The following NECAB2 variants were observed in gnomAD, a reference collection of about 807,000 sequenced individuals.
NECAB2 encodes the protein N-terminal EF-hand calcium-binding protein 2.
In NECAB2, 68 loss-of-function variants were observed where a neutral mutation model predicts 51.9. The observed-to-expected ratio is 1.31, with a 90% confidence interval of 1.08 to 1.60. The LOEUF is 1.60. Ranked by LOEUF, NECAB2 falls within the 40% of genes most tolerant of loss-of-function variation. NECAB2 has a pLI of 0.00. For missense variants in NECAB2, 854 were observed against 490.3 expected (o/e 1.74, Z -7.00); for synonymous variants, 329 against 203.5 (o/e 1.62, Z -5.25).
Position 84,002,363 on chromosome 16 carries a change from C to T in NECAB2, c.*17C>T, listed in dbSNP as rs376692532. On this transcript the variant is annotated 3_prime_UTR_variant, in exon 13 of 13. Transcript: ENST00000305202. Reference sequence around the variant, plus strand: ...CGGGACTGACAGCCTCCCAGAGGCCCGTGGAGGAGCCCACCAGCCCCTTCT... The same window carrying T: ...CGGGACTGACAGCCTCCCAGAGGCCTGTGGAGGAGCCCACCAGCCCCTTCT... 14 of 1,613,368 alleles carry T rather than the reference C, an allele frequency of 8.7e-6. No individual in the cohort carries two copies. Among genetic ancestry groups the T allele is most frequent in the South Asian group, 6.6e-5 (6 of 91,062 alleles).
At chr16:83,978,754 A>C (rs2084448787) in intron 3 of NECAB2, among the ~76,000 whole-genome samples, 1 of 152,076 alleles carries the variant, frequency 6.6e-6, no homozygotes, top group African/African-American at 2.4e-5. Flanking sequence ...TACTATCGCA[A>C]GTGTGTCTTC....
intron 11 of NECAB2, among the ~76,000 whole-genome samples, chr16:84,001,040 T>G (rs1025862277): frequency 1.3e-5 from 2 of 152,054 alleles, no homozygotes; most frequent in African/African-American, 4.8e-5. Flanking sequence ...CAGGGTTGCT[T>G]CTGTGCCCCT....
At chr16:83,985,188 C>G (rs555812040) in intron 5 of NECAB2, among the ~76,000 whole-genome samples, 1 of 150,566 alleles carries the variant, frequency 6.6e-6, no homozygotes, top group Non-Finnish European at 1.5e-5. Flanking sequence ...TGGCAGGCGC[C>G]TGTAATCCCA....
intron 6 of NECAB2, among the ~76,000 whole-genome samples, chr16:83,992,377 T>TCCCCCCCC (rs60014664): frequency 8.5e-4 from 113 of 133,074 alleles, no homozygotes; most frequent in African/African-American, 2.3e-3. Flanking sequence ...CGAGCACCCG[T>TCCCCCCCC]CCCCCCGCCC....
intron 10 of NECAB2, among the ~76,000 whole-genome samples, chr16:83,998,790 G>A (rs528740418): frequency 1.8e-4 from 24 of 133,094 alleles, no homozygotes; most frequent in African/African-American, 9.5e-4. Context: ...CCCAAGTCAT[G>A]TAGTTGCCCT....
chr16:83,965,825 C>T (rs2084273939), upstream of NECAB2: 6 of 1,613,064 alleles, frequency 3.7e-6, no homozygotes, highest in South Asian at 1.1e-5. Flanking sequence ...GGATCCTGAC[C>T]AGCCGCTGAG....
chr16:83,975,499 G>A (rs2084398886), intron 2 of NECAB2, among the ~76,000 whole-genome samples: 1 of 152,142 alleles, frequency 6.6e-6, no homozygotes, highest in African/African-American at 2.4e-5. Context: ...GGGAGATGGG[G>A]TGCAAACTCA....
chr16:84,002,488 T>A lies in NECAB2; in HGVS notation c.*142T>A. On this transcript the variant is annotated 3_prime_UTR_variant, in exon 13 of 13. Transcript: ENST00000305202. Reference sequence around the variant, plus strand: ...AAGAAGGTGTTTCCCTGTTGTTAAGTGAAGGAGGCCGCCCCTGCCCCCACC... The same window carrying A: ...AAGAAGGTGTTTCCCTGTTGTTAAGAGAAGGAGGCCGCCCCTGCCCCCACC... 1 of 1,139,468 alleles carries A rather than the reference T, an allele frequency of 8.8e-7. No homozygotes were observed. 70.6% of individuals were successfully genotyped at this position (1,139,468 alleles called of 1,614,324 possible).
intron 12 of NECAB2, 111 bp from the exon 13 acceptor site, chr16:84,002,207 C>T (rs1274397857): frequency 5.9e-6 from 8 of 1,359,674 alleles, no homozygotes; most frequent in African/African-American, 4.4e-5. Context: ...ACCTGTGTGT[C>T]ACACAAGGAC....
intron 9 of NECAB2, among the ~76,000 whole-genome samples, chr16:83,997,643 A>G (rs979395033): frequency 6.6e-6 from 1 of 151,684 alleles, no homozygotes; most frequent in Non-Finnish European, 1.5e-5. Flanking sequence ...GTGTGCCACC[A>G]CGCCTGGCTA....
intron 3 of NECAB2, among the ~76,000 whole-genome samples, chr16:83,980,551 C>T (rs2151089002): frequency 6.6e-6 from 1 of 152,258 alleles, no homozygotes; most frequent in East Asian, 1.9e-4. Context: ...TACCCCTTTC[C>T]TGGCCCCCAG....
intron 10 of NECAB2, among the ~76,000 whole-genome samples, chr16:83,998,761 C>G (rs540640022): frequency 6.6e-6 from 1 of 152,028 alleles, no homozygotes; most frequent in African/African-American, 2.4e-5. Flanking sequence ...AGAGGAGAGT[C>G]GGTAGCTGAA....
chr16:83,973,085 A>G (rs1204879304), intron 2 of NECAB2, among the ~76,000 whole-genome samples: 1 of 152,194 alleles, frequency 6.6e-6, no homozygotes, highest in African/African-American at 2.4e-5. Flanking sequence ...ATGTTTTTAA[A>G]GAGAATCGCG....
At chr16:83,970,821 C>G (rs746981948) in intron 1 of NECAB2, among the ~76,000 whole-genome samples, 2 of 152,092 alleles carry the variant, frequency 1.3e-5, no homozygotes, top group African/African-American at 4.8e-5. Context: ...GGCAGGGCGC[C>G]GTGGCTCACG....
In NECAB2 at chr16:83,977,802, A is replaced by G. The variant is rs376220742; in HGVS notation, c.227-642A>G. On this transcript the variant is annotated intron_variant, in intron 2 of 12. Transcript: ENST00000305202. ...CAGGGAAGGACCTGAAGTTTGCCAC[A>G]TAGATGGGGCGGAGAAGAAAGGGTT... is the stretch of plus-strand genomic sequence containing the variant. Among the ~76,000 whole-genome samples the G allele has an allele frequency of 1.4e-3, 206 of 152,312 alleles. 1 individual carries two copies. The highest frequency in any genetic ancestry group is 4.7e-3 in the African/African-American group (194 of 41,576).
chr16:83,967,712 A>C (rs2084301130), upstream of NECAB2, among the ~76,000 whole-genome samples: 2 of 110,758 alleles, frequency 1.8e-5, no homozygotes, highest in South Asian at 7.2e-4. Flanking sequence ...GGACGGATGG[A>C]TGGATGGATG....
rs138901077 is a variant in NECAB2 at position 83,978,531 on chromosome 16, C to T, written c.314C>T (p.Thr105Met). 3.0e-4 allele frequency: 489 copies of T among 1,613,438 alleles called. No homozygotes were observed. The highest frequency in any genetic ancestry group is 3.9e-4 in the Non-Finnish European group (461 of 1,179,768). ...AAAGAACTGGAGGATCTCTTTCACA[C>T]GATTGACTCTGACAACACCAAGTGA... ...NEKELEDLFH[T>M]IDSDNTNHVD... Residue 105 changes from threonine (T) to methionine (M), a missense_variant, in exon 3 of 13, where the codon ACG (threonine) becomes ATG (methionine). Thr to Met is a moderately conservative substitution (Grantham distance 81, BLOSUM62 -1). Coordinates refer to ENST00000305202, the MANE Select transcript of NECAB2 (RefSeq NM_019065.3).
intron 7 of NECAB2, 21 bp from the exon 8 acceptor site, chr16:83,994,588 G>T: frequency 6.2e-7 from 1 of 1,614,006 alleles, no homozygotes; most frequent in African/African-American, 1.3e-5. Flanking sequence ...TGAAGTCTGT[G>T]TGTCTCTTTC....
At chr16:83,999,890 A>G (rs962077949) in intron 10 of NECAB2, among the ~76,000 whole-genome samples, 1 of 137,786 alleles carries the variant, frequency 7.3e-6, no homozygotes, top group Non-Finnish European at 1.5e-5. Context: ...TGATTTTTAA[A>G]GGTTTTTTGA....
Sources: allele counts gnomAD v4.1 joint callset (sites outside exome capture counted in the v4.1 genomes callset), GRCh38; gene constraint gnomAD v4.1.1; transcripts MANE v1.5; gene names NCBI Gene and HGNC (gene_info 2026-07-23, HGNC 2026-07-21).